The following ADCY2 variants were observed in gnomAD, a reference collection of about 807,000 sequenced individuals.
The protein encoded by ADCY2 is adenylate cyclase type 2.
Under a neutral mutation model 125.2 loss-of-function variants are expected in ADCY2, and 31 were observed. That is an observed-to-expected ratio of 0.25 (90% CI 0.19 to 0.33). ADCY2 has a LOEUF of 0.33. Among genes scored for constraint, ADCY2 ranks in the 10% least tolerant of loss-of-function variants. The pLI is 1.00. For synonymous variants in ADCY2, 512 were observed against 548.4 expected, an observed-to-expected ratio of 0.93 and a Z score of 0.93; for missense variants, 904 against 1,418.2, an observed-to-expected ratio of 0.64 and a Z score of 5.82.
intron 22 of ADCY2, among the ~76,000 whole-genome samples, chr5:7,805,575 CTCTGCTGG>C (rs1375428802): frequency 2.0e-5 from 3 of 152,108 alleles, no homozygotes; most frequent in Non-Finnish European, 4.4e-5. Flanking sequence ...GGAGCCTGCC[CTCTGCTGG>C]GCAGACCACA....
intron 3 of ADCY2, among the ~76,000 whole-genome samples, chr5:7,527,236 A>C (rs1366856675): frequency 6.6e-6 from 1 of 152,222 alleles, no homozygotes; most frequent in East Asian, 1.9e-4. Context: ...AGCCAGGCTC[A>C]GTGGGTCCAA....
intron 2 of ADCY2, among the ~76,000 whole-genome samples, chr5:7,474,754 T>C (rs1306480045): frequency 6.6e-6 from 1 of 152,202 alleles, no homozygotes; most frequent in Admixed American, 6.5e-5. Flanking sequence ...CACTGGGAAG[T>C]GGCTGGTGGA....
chr5:7,562,584 A>G (rs962516062), intron 3 of ADCY2, among the ~76,000 whole-genome samples: 1 of 152,176 alleles, frequency 6.6e-6, no homozygotes, highest in African/African-American at 2.4e-5. Flanking sequence ...ATTTCTTTGA[A>G]TCATTTCCAT....
intron 2 of ADCY2, among the ~76,000 whole-genome samples, chr5:7,467,219 T>C (rs1742156227): frequency 6.6e-6 from 1 of 152,182 alleles, no homozygotes; most frequent in Admixed American, 6.5e-5. Context: ...ATCTTGCCTC[T>C]TAAAACAACA....
At chr5:7,446,735 A>G (rs1447771067) in intron 2 of ADCY2, among the ~76,000 whole-genome samples, 1 of 152,130 alleles carries the variant, frequency 6.6e-6, no homozygotes, top group African/African-American at 2.4e-5. Flanking sequence ...TTGGATCCAT[A>G]CCCACGTGTG....
At chr5:7,729,286 A>C (rs2126405076) in intron 14 of ADCY2, among the ~76,000 whole-genome samples, 1 of 152,292 alleles carries the variant, frequency 6.6e-6, no homozygotes, top group East Asian at 1.9e-4. Flanking sequence ...ACGTGTCCAC[A>C]ATCCAGACTT....
At chr5:7,546,066 C>T (rs1735137617) in intron 3 of ADCY2, among the ~76,000 whole-genome samples, 1 of 152,172 alleles carries the variant, frequency 6.6e-6, no homozygotes, top group African/African-American at 2.4e-5. Flanking sequence ...CCATCAGTAA[C>T]TCCTTTCACC....
intron 2 of ADCY2, among the ~76,000 whole-genome samples, chr5:7,480,374 G>T (rs1742683993): frequency 6.6e-6 from 1 of 152,094 alleles, no homozygotes; most frequent in African/African-American, 2.4e-5. Context: ...ATGATAGACT[G>T]GATAAAGAAA....
chr5:7,442,695 C>A (rs913269814), intron 2 of ADCY2, among the ~76,000 whole-genome samples: 2 of 152,110 alleles, frequency 1.3e-5, no homozygotes, highest in Non-Finnish European at 2.9e-5. Flanking sequence ...TTGAAATTAT[C>A]CTGTAAGGAA....
intron 2 of ADCY2, among the ~76,000 whole-genome samples, chr5:7,417,167 G>A (rs1341512470): frequency 6.6e-6 from 1 of 151,928 alleles, no homozygotes; most frequent in African/African-American, 2.4e-5. Flanking sequence ...ATTACTTTTT[G>A]TTCCTTCGGA....
At chr5:7,790,504 G>T (rs538513180) in intron 20 of ADCY2, among the ~76,000 whole-genome samples, 1 of 152,342 alleles carries the variant, frequency 6.6e-6, no homozygotes, top group East Asian at 1.9e-4. Context: ...AAGTGCAAGA[G>T]AAAGCAGATA....
chr5:7,509,772 A>G (rs1185283419), intron 2 of ADCY2, among the ~76,000 whole-genome samples: 1 of 152,212 alleles, frequency 6.6e-6, no homozygotes. Flanking sequence ...AGGTAACTGT[A>G]TGGGAAAGAT....
At chr5:7,750,076 A>G (rs1301309938) in intron 15 of ADCY2, among the ~76,000 whole-genome samples, 1 of 152,168 alleles carries the variant, frequency 6.6e-6, no homozygotes, top group East Asian at 1.9e-4. Flanking sequence ...TCTCTGATCC[A>G]AACATCTCTC....
intron 2 of ADCY2, among the ~76,000 whole-genome samples, chr5:7,466,908 T>A (rs898482547): frequency 1.3e-5 from 2 of 152,112 alleles, no homozygotes; most frequent in Non-Finnish European, 2.9e-5. Context: ...GAATTAGGAT[T>A]TTTCAGCTTC....
chr5:7,822,230 T>G (rs1185807904), intron 24 of ADCY2, among the ~76,000 whole-genome samples: 1 of 152,232 alleles, frequency 6.6e-6, no homozygotes, highest in East Asian at 1.9e-4. Context: ...TTTAAATATA[T>G]TTATAGCAAA....
chr5:7,692,646 A>G (rs1191615779), intron 5 of ADCY2, among the ~76,000 whole-genome samples: 1 of 152,142 alleles, frequency 6.6e-6, no homozygotes, highest in Non-Finnish European at 1.5e-5. Flanking sequence ...CATCTTGGGA[A>G]ATATTTTTAA....
intron 1 of ADCY2, among the ~76,000 whole-genome samples, chr5:7,397,844 G>C (rs553996986): frequency 6.6e-6 from 1 of 152,242 alleles, no homozygotes; most frequent in Non-Finnish European, 1.5e-5. Flanking sequence ...CTAGAGCAGA[G>C]AGTAACTTTT....
At chr5:7,609,058 C>G (rs1561123254) in intron 3 of ADCY2, among the ~76,000 whole-genome samples, 4 of 152,206 alleles carry the variant, frequency 2.6e-5, no homozygotes, top group African/African-American at 7.2e-5. Flanking sequence ...TCAAATCTGG[C>G]CAGTCTGGGA....
chr5:7,416,338 A>T (rs907479666), intron 2 of ADCY2, among the ~76,000 whole-genome samples: 3 of 152,066 alleles, frequency 2.0e-5, no homozygotes, highest in African/African-American at 7.2e-5. Flanking sequence ...CCTCTCCTTT[A>T]TCACTCTCCC....
Sources: gnomAD v4.1 joint callset for allele counts (sites outside exome capture counted in the v4.1 genomes callset) on GRCh38, gnomAD v4.1.1 for gene constraint, MANE v1.5 for transcripts, NCBI Gene and HGNC (gene_info 2026-07-23, HGNC 2026-07-21) for gene names.